ANKRD52: variants seen among roughly 807,000 people sequenced by gnomAD.
The protein encoded by ANKRD52 is serine/threonine-protein phosphatase 6 regulatory ankyrin repeat subunit C.
Under a neutral mutation model 116.0 loss-of-function variants are expected in ANKRD52, and 7 were observed. That is an observed-to-expected ratio of 0.06 (90% confidence interval 0.03 to 0.11). ANKRD52 has a LOEUF of 0.11. ANKRD52 is among the 10% of genes least tolerant of loss of function. The pLI, the probability that ANKRD52 is intolerant of heterozygous loss-of-function variation, is 1.00. For missense variants in ANKRD52, 839 were observed against 1,408.6 expected (o/e 0.60, Z 6.47); for synonymous variants, 528 against 578.1 (o/e 0.91, Z 1.24).
chr12:56,255,124 T>C lies in ANKRD52; in HGVS notation c.463-172A>G. On this transcript the variant is annotated intron_variant, in intron 5 of 27. Coordinates refer to ENST00000267116, the MANE Select transcript of ANKRD52 (RefSeq NM_173595.4). The surrounding 1 kb of genome is among the most constrained non-coding windows in gnomAD (Gnocchi z 4.3). ...GCAGAAGCAGGCACTAAGGAGGAGA[T>C]ACTGGAGAGATTTGGAACTTTAAGG... The C allele has an allele frequency of 1.8e-6, 1 of 568,998 alleles. No homozygotes were observed. Among genetic ancestry groups the C allele is most frequent in the Non-Finnish European group, 3.1e-6 (1 of 320,540 alleles). 35.2% of individuals were successfully genotyped at this position (568,998 alleles called of 1,614,324 possible).
chr12:56,250,604 C>T (rs1277209222), intron 15 of ANKRD52, among the ~76,000 whole-genome samples: 1 of 151,438 alleles, frequency 6.6e-6, no homozygotes, highest in Non-Finnish European at 1.5e-5. Context: ...AAATTGTGGG[C>T]TAGGTGTGGT....
rs79225818 is a variant in ANKRD52 at position 56,257,132 on chromosome 12, A to T, written c.191-47T>A. On this transcript the variant is annotated intron_variant, in intron 3 of 27. Transcript: ENST00000267116. ...TTTTGATGGAAGGTGGGGAGGAGGT[A>T]TGAAGGAAGCCAGTAATCAGGCCAG... The T allele has an allele frequency of 1.4e-3, 2,266 of 1,593,828 alleles. 27 individuals are homozygous for T. The African/African-American group carries it at 0.026, about 18-fold the overall frequency.
At position 56,254,375 on chromosome 12, in the gene ANKRD52, T is replaced by A; in HGVS notation, c.694-96A>T. On this transcript the variant is annotated intron_variant, in intron 7 of 27. Coordinates refer to ENST00000267116, the MANE Select transcript of ANKRD52 (RefSeq NM_173595.4). This position sits in a 1 kb window ranked among gnomAD's most constrained non-coding sequence, Gnocchi z 4.6. ...AGATCCCAGAAATCCAACGACTGCC[T>A]CATTTCCTCTCGGGTTTATGACCCA... 1 of 1,471,358 alleles carries A rather than the reference T, an allele frequency of 6.8e-7. No individual in the cohort carries two copies. The highest frequency in any genetic ancestry group is 9.3e-7 in the Non-Finnish European group (1 of 1,074,020). 91.1% of individuals were successfully genotyped at this position (1,471,358 alleles called of 1,614,324 possible). A position where few individuals can be genotyped will look rare whatever the true frequency, so the allele number is the denominator to read the frequency against.
chr12:56,252,744 C>T lies in ANKRD52; in HGVS notation c.1301+36G>A, dbSNP rs368251403. ...AGGGGCCCAGACCTTTGCCCAGCTC[C>T]CTGCTCAAAGCATGGGAGAGAGAAA... is the stretch of plus-strand genomic sequence containing the variant. On this transcript the variant is annotated intron_variant, in intron 12 of 27. Transcript: ENST00000267116. This position sits in a 1 kb window ranked among gnomAD's most constrained non-coding sequence, Gnocchi z 4.7. 24 of 1,603,710 alleles carry T rather than the reference C, an allele frequency of 1.5e-5. No individual in the cohort carries two copies. The African/African-American group carries it at 2.5e-4, about 17-fold the overall frequency.
rs1182204375 is a variant in ANKRD52 at position 56,252,312 on chromosome 12, G to A, written c.1374C>T (p.Thr458=). 6.2e-7 allele frequency: 1 copy of A among 1,613,466 alleles called. No individual in the cohort carries two copies. Among genetic ancestry groups the A allele is most frequent in the Non-Finnish European group, 8.5e-7 (1 of 1,179,448 alleles). The change falls in exon 14 of 28, where the codon ACC becomes ACT. Residue 458 remains threonine (T), a synonymous_variant. Transcript: ENST00000267116. This position sits in a 1 kb window ranked among gnomAD's most constrained non-coding sequence, Gnocchi z 4.7. ...DLRRRDKFGR[T]PLHYAAANGS... ...CGTTAGCAGCTGCATAGTGCAGTGG[G>A]GTCCTGGGGAAGAAGTGAAGGAGGG... is the stretch of plus-strand genomic sequence containing the variant.
Position 56,255,534 on chromosome 12 carries a change from T to C in ANKRD52, c.462+250A>G, listed in dbSNP as rs1871909415. 6.6e-6 allele frequency among the ~76,000 whole-genome samples: 1 copy of C among 152,256 alleles called. No homozygotes were observed. The highest frequency in any genetic ancestry group is 1.5e-5 in the Non-Finnish European group (1 of 68,046). On this transcript the variant is annotated intron_variant, in intron 5 of 27. Coordinates refer to ENST00000267116, the MANE Select transcript of ANKRD52 (RefSeq NM_173595.4). This position sits in a 1 kb window ranked among gnomAD's most constrained non-coding sequence, Gnocchi z 4.3. Reference sequence around the variant, plus strand: ...GTCTTTGCAAATGTGCTGAAAGACATGGACTCTCTTCAGAAAGGCGTGTAT... The same window carrying C: ...GTCTTTGCAAATGTGCTGAAAGACACGGACTCTCTTCAGAAAGGCGTGTAT...
In ANKRD52 at chr12:56,243,059, A is replaced by T; in HGVS notation, c.*83T>A. ...CCTCCACCCAGTCGTGTTCTCCTTT[A>T]AAGTGCCCTAAATGTTTAGACTTTT... On this transcript the variant is annotated 3_prime_UTR_variant, in exon 28 of 28. Coordinates refer to ENST00000267116, the MANE Select transcript of ANKRD52 (RefSeq NM_173595.4). This position sits in a 1 kb window ranked among gnomAD's most constrained non-coding sequence, Gnocchi z 4.6. 1 of 1,446,704 alleles carries T rather than the reference A, an allele frequency of 6.9e-7. No individual in the cohort carries two copies. 89.6% of individuals were successfully genotyped at this position (1,446,704 alleles called of 1,614,324 possible). A position where few individuals can be genotyped will look rare whatever the true frequency, so the allele number is the denominator to read the frequency against.
In ANKRD52 at chr12:56,254,011, G is replaced by T; in HGVS notation, c.906+56C>A. ...AAGAGAGCTATCCAGATACAGTCAG[G>T]ACCCCTAGATCCAAGTTTCGCTCCC... is the stretch of plus-strand genomic sequence containing the variant. On this transcript the variant is annotated intron_variant, in intron 8 of 27. Transcript: ENST00000267116. This position sits in a 1 kb window ranked among gnomAD's most constrained non-coding sequence, Gnocchi z 4.6. 6.5e-7 allele frequency: 1 copy of T among 1,534,404 alleles called. No homozygotes were observed. The highest frequency in any genetic ancestry group is 1.1e-5 in the South Asian group (1 of 87,674).
Position 56,252,112 on chromosome 12 carries a change from G to A in ANKRD52, c.1512-17C>T, listed in dbSNP as rs764447751. 1.1e-5 allele frequency: 17 copies of A among 1,613,836 alleles called. No individual in the cohort carries two copies. Among genetic ancestry groups the A allele is most frequent in the African/African-American group, 1.3e-5 (1 of 74,926 alleles). On this transcript the variant is annotated splice_polypyrimidine_tract_variant and intron_variant, in intron 14 of 27. Coordinates refer to ENST00000267116, the MANE Select transcript of ANKRD52 (RefSeq NM_173595.4). This position sits in a 1 kb window ranked among gnomAD's most constrained non-coding sequence, Gnocchi z 4.7. Reference sequence around the variant, plus strand: ...GGTTCCGCTCTGGGGAAGAGAGAGAGAAAGTTAGGGCCAGGCTCAGGGAGG... The same window carrying A: ...GGTTCCGCTCTGGGGAAGAGAGAGAAAAAGTTAGGGCCAGGCTCAGGGAGG...
In ANKRD52 at chr12:56,244,115, G is replaced by A. The variant is rs377695208; in HGVS notation, c.2824C>T (p.Leu942Phe). 11 of 1,613,794 alleles carry A rather than the reference G, an allele frequency of 6.8e-6. No homozygotes were observed. The highest frequency in any genetic ancestry group is 1.7e-6 in the Non-Finnish European group (2 of 1,179,890). The change falls in exon 26 of 28, where the codon CTC becomes TTC. Residue 942 changes from leucine (L) to phenylalanine (F), a missense_variant. Leu to Phe is a conservative substitution (Grantham distance 22). Transcript: ENST00000267116. The surrounding 1 kb of genome is among the most constrained non-coding windows in gnomAD (Gnocchi z 4.9). ...TCTTGGGTTTCTGCCAGGATCATGA[G>A]GGCACATTTCTCATGGCCCTGAGGG... Reference protein sequence around the residue: ...ACSKGHEKCALMILAETQDLG... With the variant: ...ACSKGHEKCAFMILAETQDLG...
chr12:56,244,814 A>G lies in ANKRD52; in HGVS notation c.2577-17T>C. 1 of 1,613,872 alleles carries G rather than the reference A, an allele frequency of 6.2e-7. No individual in the cohort carries two copies. The highest frequency in any genetic ancestry group is 2.2e-5 in the East Asian group (1 of 44,886). On this transcript the variant is annotated splice_polypyrimidine_tract_variant and intron_variant, in intron 23 of 27. Coordinates refer to ENST00000267116, the MANE Select transcript of ANKRD52 (RefSeq NM_173595.4). This position sits in a 1 kb window ranked among gnomAD's most constrained non-coding sequence, Gnocchi z 4.9. ...AGGGGGGTCCTGTAAGGCAGGGATC[A>G]GGGTAGATTAAAATAGGGAAGAGTA...
rs997432366 is a variant in ANKRD52, at chr12:56,237,914, G to A, written c.*5228C>T. On this transcript the variant is annotated 3_prime_UTR_variant, in exon 28 of 28. Coordinates refer to ENST00000267116, the MANE Select transcript of ANKRD52 (RefSeq NM_173595.4). ...AAACCAGAGTGTGGTGGGAGGACCC[G>A]AAGCCGGTTGGGGGAGGATGTGAGT... The A allele has an allele frequency of 4.8e-5, 35 of 721,868 alleles. No individual in the cohort carries two copies. In the Admixed American group the frequency reaches 9.7e-4, roughly 20 times the overall value. The allele number at this position is 721,868 out of a possible 1,614,324, so 44.7% of individuals were successfully genotyped here. A position where few individuals can be genotyped will look rare whatever the true frequency, so the allele number is the denominator to read the frequency against.
Position 56,242,610 on chromosome 12 carries a change from C to T in ANKRD52, c.*532G>A, listed in dbSNP as rs893549109. 2 of 171,666 alleles carry T rather than the reference C, an allele frequency of 1.2e-5. No individual in the cohort carries two copies. The highest frequency in any genetic ancestry group is 5.9e-5 in the Admixed American group (1 of 16,858). 10.6% of individuals were successfully genotyped at this position (171,666 alleles called of 1,614,324 possible). On this transcript the variant is annotated 3_prime_UTR_variant, in exon 28 of 28. Coordinates refer to ENST00000267116, the MANE Select transcript of ANKRD52 (RefSeq NM_173595.4). This position sits in a 1 kb window ranked among gnomAD's most constrained non-coding sequence, Gnocchi z 4.3. Reference sequence around the variant, plus strand: ...GGCCCCAGTGCTAAATATCCTCCCCCCTCATCCTCTAGCTGCCCCTGAAGG... The same window carrying T: ...GGCCCCAGTGCTAAATATCCTCCCCTCTCATCCTCTAGCTGCCCCTGAAGG...
chr12:56,241,580 AGG>A lies in ANKRD52; in HGVS notation c.*1560_*1561del, dbSNP rs1360516307. The stretch of plus-strand genomic sequence containing the variant: ...TGTAAACGAAGCCTGTCCAGTTCTC[AGG>A]GGACAATACTGATGGCAGCCAAACT... On this transcript the variant is annotated 3_prime_UTR_variant, in exon 28 of 28. Transcript: ENST00000267116. 5.9e-6 allele frequency: 1 copy of A among 169,180 alleles called. No homozygotes were observed. The highest frequency in any genetic ancestry group is 1.3e-5 in the Non-Finnish European group (1 of 79,606). 10.5% of individuals were successfully genotyped at this position (169,180 alleles called of 1,614,324 possible). A position where few individuals can be genotyped will look rare whatever the true frequency, so the allele number is the denominator to read the frequency against.
Position 56,243,136 on chromosome 12 carries a change from A to G in ANKRD52, c.*6T>C. 1 of 1,582,778 alleles carries G rather than the reference A, an allele frequency of 6.3e-7. No individual in the cohort carries two copies. Among genetic ancestry groups the G allele is most frequent in the African/African-American group, 1.3e-5 (1 of 74,294 alleles). On this transcript the variant is annotated 3_prime_UTR_variant, in exon 28 of 28. Transcript: ENST00000267116. This position sits in a 1 kb window ranked among gnomAD's most constrained non-coding sequence, Gnocchi z 4.6. ...GCCACCGGCGGGGGAGGGACACTGG[A>G]GGGGGCTACTCAGAGTAGCAGCCAT...
At position 56,254,970 on chromosome 12, in the gene ANKRD52, A is replaced by T. The variant is rs191169824; in HGVS notation, c.463-18T>A. ...TTCACCGTCTGCATCAGGATATGAA[A>T]GACACCTGTTCAGAGCTAGATTCGT... On this transcript the variant is annotated intron_variant, in intron 5 of 27. Transcript: ENST00000267116. This position sits in a 1 kb window ranked among gnomAD's most constrained non-coding sequence, Gnocchi z 4.6. 80 of 1,607,210 alleles carry T rather than the reference A, an allele frequency of 5.0e-5. No homozygotes were observed. Among genetic ancestry groups the T allele is most frequent in the African/African-American group, 4.1e-4 (31 of 74,944 alleles).
In ANKRD52 at chr12:56,254,507, T is replaced by C. The variant is rs955594180; in HGVS notation, c.693+71A>G. 1.9e-6 allele frequency: 3 copies of C among 1,574,600 alleles called. No homozygotes were observed. The highest frequency in any genetic ancestry group is 4.5e-5 in the East Asian group (2 of 44,382). ...ACTATACCAACATCCCAATACCTCATATCTCCGTAACAGACTATAATCTCC... is the reference window on the plus strand; with the variant it reads ...ACTATACCAACATCCCAATACCTCACATCTCCGTAACAGACTATAATCTCC... On this transcript the variant is annotated intron_variant, in intron 7 of 27. Coordinates refer to ENST00000267116, the MANE Select transcript of ANKRD52 (RefSeq NM_173595.4). The surrounding 1 kb of genome is among the most constrained non-coding windows in gnomAD (Gnocchi z 4.6).
intron 20 of ANKRD52, among the ~76,000 whole-genome samples, chr12:56,246,868 C>CCT (rs1565608591): frequency 6.7e-6 from 1 of 149,384 alleles, no homozygotes; most frequent in Non-Finnish European, 1.5e-5. Flanking sequence ...TGCAGTGAGC[C>CCT]GAGATCACGC....
intron 4 of ANKRD52, 24 bp downstream of exon 4, chr12:56,256,991 G>C: frequency 6.2e-7 from 1 of 1,605,216 alleles, no homozygotes; most frequent in African/African-American, 1.3e-5. Flanking sequence ...TTTTGAAAGG[G>C]TAATAGAAGG....
Sources: allele counts gnomAD v4.1 joint callset (sites outside exome capture counted in the v4.1 genomes callset), GRCh38; gene constraint gnomAD v4.1.1; non-coding constraint Gnocchi (gnomAD v3.1); transcripts MANE v1.5; gene names NCBI Gene and HGNC (gene_info 2026-07-23, HGNC 2026-07-21).